Variants in XKR6 observed in about 807,000 individuals in gnomAD.
XKR6 encodes XK-related protein 6.
In XKR6, 22 loss-of-function variants were observed where a neutral mutation model predicts 56.7. The observed-to-expected ratio is 0.39, with a 90% CI of 0.28 to 0.55. XKR6 has a LOEUF of 0.55. Among genes scored for constraint, XKR6 ranks in the 20% least tolerant of loss-of-function variants. XKR6 has a pLI of 0.66. For synonymous variants in XKR6, 524 were observed against 387.8 expected (o/e 1.35, Z -4.13); for missense variants, 852 against 889.0 (o/e 0.96, Z 0.53).
intron 1 of XKR6, among the ~76,000 whole-genome samples, chr8:11,110,866 T>C (rs1200978651): frequency 6.6e-6 from 1 of 152,044 alleles, no homozygotes; most frequent in Non-Finnish European, 1.5e-5. Flanking sequence ...AGGCGGAGTC[T>C]TGCTCTGTTG....
chr8:11,018,044 T>A (rs1798666089), intron 1 of XKR6, among the ~76,000 whole-genome samples: 1 of 152,082 alleles, frequency 6.6e-6, no homozygotes, highest in Non-Finnish European at 1.5e-5. Flanking sequence ...GGCGTGGACT[T>A]CAAACCTATA....
At chr8:10,986,842 C>T (rs1041410897) in intron 1 of XKR6, among the ~76,000 whole-genome samples, 1 of 151,304 alleles carries the variant, frequency 6.6e-6, no homozygotes, top group Non-Finnish European at 1.5e-5. Context: ...GGAGTGCAAA[C>T]ATAGCTCACT....
intron 1 of XKR6, among the ~76,000 whole-genome samples, chr8:10,931,738 C>T (rs887597038): frequency 1.3e-5 from 2 of 151,770 alleles, no homozygotes; most frequent in Non-Finnish European, 2.9e-5. Flanking sequence ...ACGTGTAAAA[C>T]CATAAAACTT....
intron 1 of XKR6, among the ~76,000 whole-genome samples, chr8:11,050,472 T>C (rs1799518156): frequency 6.6e-6 from 1 of 151,782 alleles, no homozygotes; most frequent in African/African-American, 2.4e-5. Flanking sequence ...AAAGACAAGT[T>C]TGTTGACAGA....
chr8:11,188,139 A>G (rs1192111367), intron 1 of XKR6, among the ~76,000 whole-genome samples: 1 of 152,092 alleles, frequency 6.6e-6, no homozygotes, highest in Non-Finnish European at 1.5e-5. Flanking sequence ...CTAATTTGAG[A>G]TAGTGAGTTG....
intron 1 of XKR6, among the ~76,000 whole-genome samples, chr8:11,113,350 C>T (rs1489096177): frequency 6.6e-6 from 1 of 152,076 alleles, no homozygotes; most frequent in Non-Finnish European, 1.5e-5. Context: ...CATGGTCCAT[C>T]AGAATACATT....
chr8:11,186,666 C>A (rs1803291948), intron 1 of XKR6, among the ~76,000 whole-genome samples: 1 of 152,156 alleles, frequency 6.6e-6, no homozygotes, highest in Admixed American at 6.5e-5. Context: ...AGGCATGAGA[C>A]ACCACGCCTG....
At chr8:10,960,167 A>C (rs760034791) in intron 1 of XKR6, among the ~76,000 whole-genome samples, 1 of 152,226 alleles carries the variant, frequency 6.6e-6, no homozygotes, top group Non-Finnish European at 1.5e-5. Flanking sequence ...CAGACACAGC[A>C]GGTGAGTGCA....
At position 11,045,598 on chromosome 8, in the gene XKR6, G is replaced by C. The variant is rs1018530843; in HGVS notation, c.765-120768C>G. On this transcript the variant is annotated intron_variant, in intron 1 of 2. Transcript: ENST00000416569. The stretch of plus-strand genomic sequence containing the variant: ...TACTGACCTCCTAGAATTATTGGGA[G>C]GGTTAAATTAAACAATGTGTGTATA... Among the ~76,000 whole-genome samples the C allele has an allele frequency of 3.3e-5, 5 of 152,276 alleles. No homozygotes were observed. In the East Asian group the frequency reaches 9.7e-4, roughly 29 times the overall value.
rs555995341 is a variant in XKR6 at position 11,186,324 on chromosome 8, C to T, written c.764+14252G>A. 6.6e-5 allele frequency among the ~76,000 whole-genome samples: 10 copies of T among 152,292 alleles called. No individual in the cohort carries two copies. In the South Asian group the frequency reaches 1.5e-3, roughly 22 times the overall value. On this transcript the variant is annotated intron_variant, in intron 1 of 2. Coordinates refer to ENST00000416569, the MANE Select transcript of XKR6 (RefSeq NM_173683.4). The stretch of plus-strand genomic sequence containing the variant: ...CCACCCTTGATCTAGGTATGGTCCA[C>T]GGCTAGTTCTTCACAATGGCATGTG...
intron 1 of XKR6, among the ~76,000 whole-genome samples, chr8:11,138,928 A>C (rs1400418066): frequency 6.6e-6 from 1 of 152,168 alleles, no homozygotes; most frequent in Admixed American, 6.5e-5. Context: ...AGAATAAAAA[A>C]AAAAAAAACC....
At chr8:11,190,513 C>T (rs1803519972) in intron 1 of XKR6, among the ~76,000 whole-genome samples, 1 of 152,152 alleles carries the variant, frequency 6.6e-6, no homozygotes, top group African/African-American at 2.4e-5. Flanking sequence ...AAACTGTGTC[C>T]TAAGACACAG....
At chr8:11,109,227 T>C (rs1054549198) in intron 1 of XKR6, 1 of 152,222 alleles carries the variant, frequency 6.6e-6, no homozygotes, top group Non-Finnish European at 1.5e-5. Flanking sequence ...AGGAAGTTTC[T>C]AGGAAGCAAG....
chr8:11,030,257 T>A (rs1798961622), intron 1 of XKR6, among the ~76,000 whole-genome samples: 1 of 152,270 alleles, frequency 6.6e-6, no homozygotes, highest in Admixed American at 6.5e-5. Flanking sequence ...TCCCTTTCCA[T>A]CTGGGTGACA....
chr8:11,077,789 C>A (rs143675528), intron 1 of XKR6, among the ~76,000 whole-genome samples: 105 of 152,290 alleles, frequency 6.9e-4, no homozygotes, highest in Middle Eastern at 3.4e-3. Context: ...CCATGGCAAC[C>A]GCTCCAATCT....
chr8:11,178,576 A>G (rs58694220), intron 1 of XKR6, among the ~76,000 whole-genome samples: 1 of 135,960 alleles, frequency 7.4e-6, no homozygotes, highest in South Asian at 2.4e-4. Context: ...ATATATATGT[A>G]TATATATATG....
In XKR6 at chr8:10,917,310, A is replaced by G. The variant is rs1486949287; in HGVS notation, c.961+7324T>C. Among the ~76,000 whole-genome samples, 4 of 152,166 alleles carry G rather than the reference A, an allele frequency of 2.6e-5. No homozygotes were observed. The East Asian group carries it at 7.7e-4, about 29-fold the overall frequency. On this transcript the variant is annotated intron_variant, in intron 2 of 2. Coordinates refer to ENST00000416569, the MANE Select transcript of XKR6 (RefSeq NM_173683.4). ...CTCTGTGCTTCGGCTTCCCTGTGTT[A>G]AATGGGGAGAGGGGCTGGATGGCCT...
At chr8:11,141,531 A>T (rs190814007) in intron 1 of XKR6, among the ~76,000 whole-genome samples, 1 of 152,232 alleles carries the variant, frequency 6.6e-6, no homozygotes, top group East Asian at 1.9e-4. Flanking sequence ...CTTAGAGGAT[A>T]GGTGGCTTGC....
intron 1 of XKR6, among the ~76,000 whole-genome samples, chr8:10,954,202 A>G (rs896577462): frequency 2.6e-5 from 4 of 152,238 alleles, no homozygotes; most frequent in Admixed American, 2.0e-4. Flanking sequence ...GCTGGGTCAC[A>G]TGGTAACTTT....
Sources: gnomAD v4.1 joint callset for allele counts (sites outside exome capture counted in the v4.1 genomes callset) on GRCh38, gnomAD v4.1.1 for gene constraint, MANE v1.5 for transcripts, NCBI Gene and HGNC (gene_info 2026-07-23, HGNC 2026-07-21) for gene names.